Variants in SH3YL1 observed in about 807,000 individuals in gnomAD.
SH3YL1 encodes the protein SH3 domain-containing YSC84-like protein 1.
SH3YL1 carries 41 observed loss-of-function variants against 45.8 expected under a neutral mutation model. The ratio of observed to expected loss-of-function variants is 0.89; its 90% CI spans 0.70 to 1.16. The LOEUF (loss-of-function observed/expected upper bound fraction) is 1.16. Among genes scored for constraint, SH3YL1 ranks in the 50% most tolerant of loss-of-function variants. The pLI is 0.00. For missense variants in SH3YL1, 389 were observed against 409.6 expected (o/e 0.95, Z 0.43); for synonymous variants, 152 against 151.4 (o/e 1.00, Z -0.03).
chr2:243,617 G>C (rs1397487861), intron 4 of SH3YL1: 1 of 1,503,098 alleles, frequency 6.7e-7, no homozygotes. Context: ...TATCAACATG[G>C]ACGAAGAAGA....
intron 8 of SH3YL1, among the ~76,000 whole-genome samples, chr2:228,412 A>C (rs1395443164): frequency 6.6e-6 from 1 of 152,166 alleles, no homozygotes; most frequent in Non-Finnish European, 1.5e-5. Flanking sequence ...ACGGAAAGGA[A>C]TTTTTTGAGG....
At chr2:240,320 G>A (rs1363772794) in intron 4 of SH3YL1, 2 of 152,354 alleles carry the variant, frequency 1.3e-5, no homozygotes, top group Non-Finnish European at 2.9e-5. Flanking sequence ...TCCAGCTCTG[G>A]AGCAACGGCA....
chr2:248,194 G>C (rs1010673568), intron 3 of SH3YL1, among the ~76,000 whole-genome samples: 12 of 152,010 alleles, frequency 7.9e-5, no homozygotes, highest in Non-Finnish European at 1.8e-4. Flanking sequence ...GCCATGATAC[G>C]GCACATTTTA....
intron 9 of SH3YL1, among the ~76,000 whole-genome samples, chr2:224,039 A>G (rs972567307): frequency 2.0e-5 from 3 of 152,194 alleles, no homozygotes; most frequent in Non-Finnish European, 2.9e-5. Flanking sequence ...TTGAGTACCT[A>G]ATTTTTGGTA....
In SH3YL1 at chr2:246,435, C is replaced by A. The variant is rs140380843; in HGVS notation, c.291+1103G>T. Among the ~76,000 whole-genome samples the A allele has an allele frequency of 6.7e-3, 1,025 of 152,224 alleles. 13 individuals carry two copies. Among genetic ancestry groups the A allele is most frequent in the African/African-American group, 0.023 (958 of 41,528 alleles). ...CAGACATCATTTCTGAGTCTCTCATCATTTTTGAAATAAATGCTCAAAGCA... is the reference window on the plus strand; with the variant it reads ...CAGACATCATTTCTGAGTCTCTCATAATTTTTGAAATAAATGCTCAAAGCA... On this transcript the variant is annotated intron_variant, in intron 4 of 9. Transcript: ENST00000356150.
At position 249,863 on chromosome 2, in the gene SH3YL1, A is replaced by G. The variant is rs1358490615; in HGVS notation, c.113-19T>C. ...ACGTGAGCTGTTAACGTGGAAAACA[A>G]TGGGAAGGTAAGCATTTTGATCTAT... On this transcript the variant is annotated intron_variant, in intron 2 of 9. Coordinates refer to ENST00000356150, the MANE Select transcript of SH3YL1 (RefSeq NM_015677.4). The G allele has an allele frequency of 3.3e-6, 5 of 1,500,890 alleles. No individual in the cohort carries two copies. Among genetic ancestry groups the G allele is most frequent in the Admixed American group, 3.9e-5 (2 of 50,942 alleles). The allele number at this position is 1,500,890 out of a possible 1,614,324, so 93.0% of individuals were successfully genotyped here.
intron 9 of SH3YL1, among the ~76,000 whole-genome samples, chr2:219,411 G>A (rs1358066545): frequency 6.6e-6 from 1 of 152,014 alleles, no homozygotes; most frequent in African/African-American, 2.4e-5. Context: ...CTCATGAATG[G>A]GATCAGTGTC....
intron 4 of SH3YL1, among the ~76,000 whole-genome samples, chr2:247,181 C>T (rs1668857324): frequency 6.6e-6 from 1 of 152,136 alleles, no homozygotes; most frequent in South Asian, 2.1e-4. Flanking sequence ...TGATGCACTG[C>T]CCACGTAATT....
chr2:225,816 T>C (rs983075618), intron 8 of SH3YL1, among the ~76,000 whole-genome samples: 4 of 152,186 alleles, frequency 2.6e-5, no homozygotes, highest in Non-Finnish European at 5.9e-5. Context: ...TCAAAGTACT[T>C]GGGAACAAAT....
In SH3YL1 at chr2:262,623, C is replaced by T. The variant is rs1207015892; in HGVS notation, c.1+1361G>A. On this transcript the variant is annotated intron_variant, in intron 1 of 9. Transcript: ENST00000356150. The stretch of plus-strand genomic sequence containing the variant: ...CAGAGAATTTTGTCTTATCATGACG[C>T]CACTCACTGGCAAACAAGCTGGCGT... The T allele has an allele frequency of 3.1e-6, 4 of 1,304,124 alleles. No individual in the cohort carries two copies. The South Asian group carries it at 3.7e-5, about 12-fold the overall frequency. 80.8% of individuals were successfully genotyped at this position (1,304,124 alleles called of 1,614,324 possible).
chr2:226,200 C>T (rs538004198), intron 8 of SH3YL1, among the ~76,000 whole-genome samples: 1 of 152,132 alleles, frequency 6.6e-6, no homozygotes, highest in Admixed American at 6.5e-5. Context: ...AAATGATAGA[C>T]TTATTTTTAG....
chr2:243,130 A>G (rs1220212158), intron 4 of SH3YL1, among the ~76,000 whole-genome samples: 1 of 152,180 alleles, frequency 6.6e-6, no homozygotes, highest in African/African-American at 2.4e-5. Flanking sequence ...TAGTCATAAG[A>G]TTATCAAGGA....
chr2:253,757 G>A (rs766336574), intron 1 of SH3YL1, among the ~76,000 whole-genome samples: 12 of 151,986 alleles, frequency 7.9e-5, no homozygotes, highest in Non-Finnish European at 1.5e-4. Context: ...TTATGGACTT[G>A]CCCTGAGTTC....
intron 1 of SH3YL1, among the ~76,000 whole-genome samples, chr2:257,682 T>C (rs934771021): frequency 6.6e-6 from 1 of 152,242 alleles, no homozygotes; most frequent in African/African-American, 2.4e-5. Context: ...CCACGAGGCA[T>C]CCCTGGAGTC....
intron 4 of SH3YL1, among the ~76,000 whole-genome samples, chr2:238,577 T>C (rs1668407264): frequency 6.6e-6 from 1 of 151,806 alleles, no homozygotes; most frequent in Non-Finnish European, 1.5e-5. Flanking sequence ...GCCAGACTGC[T>C]CTGGCTTGAT....
intron 3 of SH3YL1, among the ~76,000 whole-genome samples, chr2:249,249 A>G (rs1240159018): frequency 2.0e-5 from 3 of 152,218 alleles, no homozygotes; most frequent in Admixed American, 6.5e-5. Context: ...ACTCGATGAT[A>G]CTGCTCTTGA....
intron 1 of SH3YL1, chr2:262,713 A>C: frequency 1.5e-6 from 2 of 1,293,480 alleles, no homozygotes; most frequent in Non-Finnish European, 2.0e-6. Context: ...GACTGCCTCA[A>C]CTTCCTATGT....
intron 3 of SH3YL1, 40 bp from the exon 4 acceptor site, chr2:247,642 C>T: frequency 6.8e-7 from 1 of 1,464,872 alleles, no homozygotes; most frequent in East Asian, 2.5e-5. Context: ...AACATTAAAA[C>T]ACCCTCGACA....
chr2:244,226 G>A (rs1668678225), intron 4 of SH3YL1, among the ~76,000 whole-genome samples: 3 of 152,110 alleles, frequency 2.0e-5, no homozygotes. Context: ...GCCTGGAGCG[G>A]TGGCTCACGC....
Sources: allele counts gnomAD v4.1 joint callset (sites outside exome capture counted in the v4.1 genomes callset), GRCh38; gene constraint gnomAD v4.1.1; transcripts MANE v1.5; gene names NCBI Gene and HGNC (gene_info 2026-07-23, HGNC 2026-07-21).